PPP2R2C: variants seen among roughly 807,000 people sequenced by gnomAD.
PPP2R2C encodes the protein protein phosphatase 2 regulatory subunit Bgamma.
A neutral mutation model predicts 45.3 loss-of-function variants in PPP2R2C; 10 were observed. The observed-to-expected ratio is 0.22, with a 90% CI of 0.14 to 0.37. PPP2R2C has a LOEUF of 0.37. PPP2R2C is among the 10% of genes least tolerant of loss of function. PPP2R2C has a pLI of 1.00. For missense variants in PPP2R2C, 308 were observed against 619.7 expected (o/e 0.50, Z 5.34); for synonymous variants, 257 against 245.4 (o/e 1.05, Z -0.44).
intron 1 of PPP2R2C, among the ~76,000 whole-genome samples, chr4:6,470,557 G>C (rs1721815351): frequency 6.6e-6 from 1 of 152,216 alleles, no homozygotes; most frequent in Non-Finnish European, 1.5e-5. Context: ...ACCACAGCGA[G>C]CCTGGGAGCA....
chr4:6,321,229 C>T lies in PPP2R2C; in HGVS notation c.*2073G>A, dbSNP rs1731533602. ...AACCTCTAGCTGCAAATACAAGTTT[C>T]TTCTCTTAACATTTGACTCACAAAG... is the stretch of plus-strand genomic sequence containing the variant. On this transcript the variant is annotated 3_prime_UTR_variant, in exon 9 of 9. Transcript: ENST00000382599. 6.6e-6 allele frequency: 1 copy of T among 152,324 alleles called. No individual in the cohort carries two copies. Among genetic ancestry groups the T allele is most frequent in the East Asian group, 1.9e-4 (1 of 5,186 alleles). 9.4% of individuals were successfully genotyped at this position (152,324 alleles called of 1,614,324 possible).
At chr4:6,508,202 AG>A (rs1478586375) in intron 2 of PPP2R2C, among the ~76,000 whole-genome samples, 1 of 152,238 alleles carries the variant, frequency 6.6e-6, no homozygotes. Context: ...GGTGACCATC[AG>A]GTGATGGTCA....
intron 1 of PPP2R2C, among the ~76,000 whole-genome samples, chr4:6,408,094 C>G (rs575977645): frequency 6.6e-6 from 1 of 152,316 alleles, no homozygotes; most frequent in South Asian, 2.1e-4. Flanking sequence ...TTTAAAACTA[C>G]ACGTACAGCT....
At chr4:6,532,263 C>T (rs779455100) in intron 2 of PPP2R2C, among the ~76,000 whole-genome samples, 2 of 152,312 alleles carry the variant, frequency 1.3e-5, no homozygotes, top group African/African-American at 2.4e-5. Flanking sequence ...TAGAAGGGGC[C>T]GTGAAGGCTC....
At chr4:6,469,115 G>C (rs1721730883) in intron 1 of PPP2R2C, among the ~76,000 whole-genome samples, 2 of 141,036 alleles carry the variant, frequency 1.4e-5, no homozygotes, top group African/African-American at 2.7e-5. Context: ...AATCCAACCT[G>C]CTCTGACGAA....
chr4:6,323,219 C>G lies in PPP2R2C; in HGVS notation c.*83G>C. ...CCTCATCAGTGCTGTGACTTTCTTCCCCTCCTTGCATTGCGGTCGTGAAGG... is the reference window on the plus strand; with the variant it reads ...CCTCATCAGTGCTGTGACTTTCTTCGCCTCCTTGCATTGCGGTCGTGAAGG... On this transcript the variant is annotated 3_prime_UTR_variant, in exon 9 of 9. Coordinates refer to ENST00000382599, the MANE Select transcript of PPP2R2C (RefSeq NM_020416.4). 1 of 1,477,240 alleles carries G rather than the reference C, an allele frequency of 6.8e-7. No individual in the cohort carries two copies. The highest frequency in any genetic ancestry group is 9.2e-7 in the Non-Finnish European group (1 of 1,089,214). The allele number at this position is 1,477,240 out of a possible 1,614,324, so 91.5% of individuals were successfully genotyped here.
At chr4:6,497,131 C>G (rs1259012432) in intron 2 of PPP2R2C, among the ~76,000 whole-genome samples, 1 of 151,946 alleles carries the variant, frequency 6.6e-6, no homozygotes, top group East Asian at 1.9e-4. Flanking sequence ...GAGGAGGCAC[C>G]CCAACTGAGG....
At chr4:6,379,345 C>A (rs1715600943) in intron 2 of PPP2R2C, among the ~76,000 whole-genome samples, 3 of 152,260 alleles carry the variant, frequency 2.0e-5, no homozygotes, top group South Asian at 4.1e-4. Context: ...TACGACAACA[C>A]GAAACCCCAA....
At chr4:6,543,202 T>C (rs958508963) in intron 1 of PPP2R2C, among the ~76,000 whole-genome samples, 1 of 152,092 alleles carries the variant, frequency 6.6e-6, no homozygotes, top group Admixed American at 6.5e-5. Flanking sequence ...GCCCCTGAGC[T>C]CCTCACAGTC....
At chr4:6,491,364 A>G (rs1055014760) in intron 2 of PPP2R2C, among the ~76,000 whole-genome samples, 1 of 152,156 alleles carries the variant, frequency 6.6e-6, no homozygotes, top group Non-Finnish European at 1.5e-5. Flanking sequence ...CTACTGGGGT[A>G]TGTCATGGTG....
At chr4:6,353,052 A>G (rs1027616710) in intron 5 of PPP2R2C, among the ~76,000 whole-genome samples, 1 of 152,102 alleles carries the variant, frequency 6.6e-6, no homozygotes, top group Non-Finnish European at 1.5e-5. Flanking sequence ...CTCCTCCCCT[A>G]GAACCTTCAG....
chr4:6,409,423 C>T (rs1411372149), intron 1 of PPP2R2C, among the ~76,000 whole-genome samples: 5 of 152,196 alleles, frequency 3.3e-5, no homozygotes, highest in Non-Finnish European at 4.4e-5. Context: ...CCAGTGGTGC[C>T]AGGCACCAGG....
chr4:6,356,002 A>AAAAAAAAG (rs2109251104), intron 5 of PPP2R2C, among the ~76,000 whole-genome samples: 1 of 146,566 alleles, frequency 6.8e-6, no homozygotes, highest in Non-Finnish European at 1.5e-5. Context: ...GGAAAAAAAA[A>AAAAAAAAG]AAAAAAAAAA....
intron 1 of PPP2R2C, among the ~76,000 whole-genome samples, chr4:6,539,127 T>C (rs1724725520): frequency 6.7e-6 from 1 of 149,820 alleles, no homozygotes; most frequent in Non-Finnish European, 1.5e-5. Context: ...CCAATATGCC[T>C]GATGTCCTTC....
intron 1 of PPP2R2C, among the ~76,000 whole-genome samples, chr4:6,415,103 G>A (rs1333491385): frequency 6.6e-6 from 1 of 152,256 alleles, no homozygotes; most frequent in African/African-American, 2.4e-5. Flanking sequence ...CTCCCACAGA[G>A]CCGCTGCCTC....
chr4:6,522,436 G>T (rs562691004), intron 2 of PPP2R2C, among the ~76,000 whole-genome samples: 4 of 152,362 alleles, frequency 2.6e-5, no homozygotes, highest in African/African-American at 9.6e-5. Context: ...GGACACAAGT[G>T]AATCCAGACC....
chr4:6,383,005 TC>T, intron 1 of PPP2R2C: 1 of 1,076,452 alleles, frequency 9.3e-7, no homozygotes, highest in South Asian at 2.7e-5. Flanking sequence ...CCTTCACCCC[TC>T]CCATGGTGGG....
chr4:6,404,527 A>G (rs1458348317), intron 1 of PPP2R2C, among the ~76,000 whole-genome samples: 1 of 152,210 alleles, frequency 6.6e-6, no homozygotes, highest in African/African-American at 2.4e-5. Context: ...TGAAGCACCC[A>G]GGTAGCACGC....
intron 1 of PPP2R2C, chr4:6,381,752 T>C (rs1715813099): frequency 6.2e-7 from 1 of 1,602,620 alleles, no homozygotes; most frequent in Non-Finnish European, 8.5e-7. Context: ...CTCAGGAACC[T>C]CTCCTTATGG....
Sources: allele counts gnomAD v4.1 joint callset (sites outside exome capture counted in the v4.1 genomes callset), GRCh38; gene constraint gnomAD v4.1.1; transcripts MANE v1.5; gene names NCBI Gene and HGNC (gene_info 2026-07-23, HGNC 2026-07-21).